Variants in CTNNA2 observed in about 807,000 individuals in gnomAD.
CTNNA2 encodes catenin alpha-2.
A neutral mutation model predicts 101.0 loss-of-function variants in CTNNA2; 42 were observed. The ratio of observed to expected loss-of-function variants is 0.42; its 90% CI spans 0.32 to 0.54. CTNNA2 has a LOEUF of 0.54. Among genes scored for constraint, CTNNA2 ranks in the 20% least tolerant of loss-of-function variants. The pLI, the probability that CTNNA2 is intolerant of heterozygous loss-of-function variation, is 0.14. For missense variants in CTNNA2, 871 were observed against 1,223.1 expected, an observed-to-expected ratio of 0.71 and a Z score of 4.29; for synonymous variants, 450 against 456.4, an observed-to-expected ratio of 0.99 and a Z score of 0.18.
intron 6 of CTNNA2, among the ~76,000 whole-genome samples, chr2:79,879,748 A>G (rs759433562): frequency 3.9e-5 from 6 of 152,134 alleles, no homozygotes; most frequent in Non-Finnish European, 7.3e-5. Context: ...TTGATATACA[A>G]TCATGTTGTC....
At chr2:79,498,169 G>A (rs1480161348) in intron 4 of CTNNA2, 1 of 152,210 alleles carries the variant, frequency 6.6e-6, no homozygotes, top group East Asian at 1.9e-4. Context: ...AAAGAGAAAT[G>A]AGATCCTTGG....
At chr2:79,757,805 C>T (rs893591329) in intron 3 of CTNNA2, among the ~76,000 whole-genome samples, 30 of 152,174 alleles carry the variant, frequency 2.0e-4, no homozygotes, top group Non-Finnish European at 4.4e-4. Context: ...TCACTCTGTG[C>T]CAGTGTGTTC....
At chr2:80,557,384 T>C (rs1204264821) in intron 12 of CTNNA2, among the ~76,000 whole-genome samples, 1 of 152,170 alleles carries the variant, frequency 6.6e-6, no homozygotes, top group African/African-American at 2.4e-5. Context: ...TAAGGACTTT[T>C]TCATTAGTAA....
At chr2:80,118,113 T>A (rs77201753) in intron 7 of CTNNA2, among the ~76,000 whole-genome samples, 8,740 of 152,212 alleles carry the variant, frequency 0.057, 260 homozygotes, top group South Asian at 0.086. Flanking sequence ...TGGTTTGTTT[T>A]TTTATCTGTG....
At chr2:80,562,662 T>C (rs1295716812) in intron 12 of CTNNA2, among the ~76,000 whole-genome samples, 2 of 152,170 alleles carry the variant, frequency 1.3e-5, no homozygotes, top group Admixed American at 1.3e-4. Flanking sequence ...TACAAGACTG[T>C]AGGCTAGAAA....
intron 15 of CTNNA2, among the ~76,000 whole-genome samples, chr2:80,603,290 T>C (rs945176855): frequency 2.0e-5 from 3 of 152,142 alleles, no homozygotes; most frequent in Non-Finnish European, 4.4e-5. Flanking sequence ...CCATTTCCCT[T>C]ATAATAAATA....
intron 7 of CTNNA2, among the ~76,000 whole-genome samples, chr2:80,364,339 A>G (rs1674698892): frequency 6.6e-6 from 1 of 152,124 alleles, no homozygotes; most frequent in South Asian, 2.1e-4. Flanking sequence ...GGTCAATTTT[A>G]AAATTAAAGC....
At chr2:80,290,248 A>C (rs1675122005) in intron 7 of CTNNA2, among the ~76,000 whole-genome samples, 1 of 152,168 alleles carries the variant, frequency 6.6e-6, no homozygotes, top group African/African-American at 2.4e-5. Context: ...GTACATCATG[A>C]GGCCTCCAAA....
chr2:80,561,299 GA>G (rs1340532526), intron 12 of CTNNA2, among the ~76,000 whole-genome samples: 2 of 152,172 alleles, frequency 1.3e-5, no homozygotes, highest in Non-Finnish European at 2.9e-5. Context: ...GGAAGAATGA[GA>G]AAGAAGCCTC....
chr2:79,500,263 C>T (rs1671304763), intron 4 of CTNNA2, among the ~76,000 whole-genome samples: 1 of 152,132 alleles, frequency 6.6e-6, no homozygotes. Context: ...CACTTCATAG[C>T]TTTTTTCAAC....
intron 3 of CTNNA2, among the ~76,000 whole-genome samples, chr2:79,340,856 A>G (rs1243664257): frequency 2.8e-5 from 4 of 143,598 alleles, no homozygotes; most frequent in African/African-American, 1.0e-4. Flanking sequence ...AAAAAAAAAG[A>G]AAAGAAAAAA....
chr2:79,307,209 A>G (rs1676267360), intron 2 of CTNNA2, among the ~76,000 whole-genome samples: 1 of 152,188 alleles, frequency 6.6e-6, no homozygotes, highest in Non-Finnish European at 1.5e-5. Flanking sequence ...CATATCCATC[A>G]TCTCAAATGT....
At chr2:79,290,181 A>C (rs961568184) in intron 2 of CTNNA2, among the ~76,000 whole-genome samples, 7 of 152,206 alleles carry the variant, frequency 4.6e-5, no homozygotes, top group African/African-American at 7.2e-5. Context: ...TATCAAACCA[A>C]AAAAATCTAT....
At chr2:79,465,390 G>A (rs1043762457) in intron 4 of CTNNA2, among the ~76,000 whole-genome samples, 4 of 152,164 alleles carry the variant, frequency 2.6e-5, no homozygotes, top group African/African-American at 9.7e-5. Flanking sequence ...ACTTAGCCTT[G>A]TAGTATAGTT....
In CTNNA2 at chr2:80,302,573, C is replaced by G. The variant is rs752153819; in HGVS notation, c.1057-90638C>G. On this transcript the variant is annotated intron_variant, in intron 7 of 18. Coordinates refer to ENST00000402739, the MANE Select transcript of CTNNA2 (RefSeq NM_001282597.3). The surrounding 1 kb of genome is among the most constrained non-coding windows in gnomAD (Gnocchi z 6.4). ...CTGCACGGCGTTCTCGGCGTGCTCG[C>G]CGCCTGGAAGAGCCACGGTGGCAGG... 1.9e-6 allele frequency: 3 copies of G among 1,607,688 alleles called. No homozygotes were observed. Among genetic ancestry groups the G allele is most frequent in the Non-Finnish European group, 2.5e-6 (3 of 1,179,202 alleles).
chr2:79,368,608 A>C (rs571065750), intron 3 of CTNNA2, among the ~76,000 whole-genome samples: 85 of 152,282 alleles, frequency 5.6e-4, no homozygotes, highest in African/African-American at 1.6e-3. Flanking sequence ...CTGAACCTGG[A>C]AATGGAAAGA....
At chr2:79,252,119 C>T (rs761581015) in intron 2 of CTNNA2, among the ~76,000 whole-genome samples, 12 of 152,138 alleles carry the variant, frequency 7.9e-5, no homozygotes, top group Non-Finnish European at 1.3e-4. Flanking sequence ...CAGACTGACC[C>T]TTTACACCTT....
intron 6 of CTNNA2, among the ~76,000 whole-genome samples, chr2:79,901,233 T>C (rs1224492569): frequency 6.6e-6 from 1 of 151,970 alleles, no homozygotes; most frequent in Non-Finnish European, 1.5e-5. Context: ...TTTTAAGATT[T>C]AAAAGATAAA....
intron 7 of CTNNA2, among the ~76,000 whole-genome samples, chr2:80,110,994 G>C (rs1701177972): frequency 6.6e-6 from 1 of 152,180 alleles, no homozygotes; most frequent in African/African-American, 2.4e-5. Context: ...GGTGGAAGGG[G>C]AAGCAAACAT....
Sources: gnomAD v4.1 joint callset for allele counts (sites outside exome capture counted in the v4.1 genomes callset) on GRCh38, gnomAD v4.1.1 for gene constraint, Gnocchi (gnomAD v3.1) non-coding constraint, MANE v1.5 for transcripts, NCBI Gene and HGNC (gene_info 2026-07-23, HGNC 2026-07-21) for gene names.